RGS7: variants seen among roughly 807,000 people sequenced by gnomAD.
The protein encoded by RGS7 is regulator of G protein signaling 7.
RGS7 carries 27 observed loss-of-function variants against 81.1 expected under a neutral mutation model. The observed-to-expected ratio is 0.33, with a 90% CI of 0.25 to 0.46. The LOEUF (loss-of-function observed/expected upper bound fraction) is 0.46. Ranked by LOEUF, RGS7 falls within the 20% of genes least tolerant of loss-of-function variation. The pLI is 1.00. For synonymous variants in RGS7, 208 were observed against 207.7 expected (o/e 1.00, Z -0.01); for missense variants, 396 against 607.4 (o/e 0.65, Z 3.66).
chr1:241,156,364 G>A (rs531866055), intron 2 of RGS7, among the ~76,000 whole-genome samples: 32 of 151,820 alleles, frequency 2.1e-4, no homozygotes, highest in African/African-American at 7.7e-4. Context: ...AAATTAGCTG[G>A]ACATGGTAAC....
At chr1:241,145,745 A>T (rs549598104) in intron 2 of RGS7, among the ~76,000 whole-genome samples, 1 of 152,350 alleles carries the variant, frequency 6.6e-6, no homozygotes, top group African/African-American at 2.4e-5. Context: ...CTCTGTCCAA[A>T]ATAAACAAAC....
chr1:240,983,803 C>A (rs995708215), intron 3 of RGS7, among the ~76,000 whole-genome samples: 2 of 152,042 alleles, frequency 1.3e-5, no homozygotes, highest in African/African-American at 4.8e-5. Context: ...GATGAATGCC[C>A]CAAAGTAAGA....
At chr1:240,781,981 C>T (rs554357709) in intron 18 of RGS7, among the ~76,000 whole-genome samples, 2 of 151,772 alleles carry the variant, frequency 1.3e-5, no homozygotes, top group South Asian at 4.1e-4. Context: ...CGCCATTGTA[C>T]TCCAGCCTGG....
chr1:240,948,611 T>C (rs1020237986), intron 4 of RGS7, among the ~76,000 whole-genome samples: 1 of 151,880 alleles, frequency 6.6e-6, no homozygotes, highest in Non-Finnish European at 1.5e-5. Flanking sequence ...CCTGGCTAAT[T>C]TTTATAATTT....
At chr1:241,098,600 A>G in intron 3 of RGS7, 66 bp downstream of exon 3, 1 of 1,031,528 alleles carries the variant, frequency 9.7e-7, no homozygotes, top group South Asian at 1.3e-5. Flanking sequence ...GAACAGCTGG[A>G]ATCAGTTTTA....
intron 3 of RGS7, among the ~76,000 whole-genome samples, chr1:241,057,011 C>G (rs963597742): frequency 6.6e-6 from 1 of 151,810 alleles, no homozygotes; most frequent in Admixed American, 6.6e-5. Context: ...ATATGTACAC[C>G]GTTGATATAT....
At chr1:241,140,457 T>C (rs1350235157) in intron 2 of RGS7, among the ~76,000 whole-genome samples, 2 of 152,326 alleles carry the variant, frequency 1.3e-5, no homozygotes, top group Admixed American at 6.5e-5. Context: ...AGAATAGAGA[T>C]AGCATCTCAC....
chr1:240,792,572 T>C (rs1008013780), intron 18 of RGS7, among the ~76,000 whole-genome samples: 5 of 152,190 alleles, frequency 3.3e-5, no homozygotes, highest in East Asian at 1.9e-4. Context: ...CTCTCTCTCC[T>C]GCAGGGCCCC....
intron 4 of RGS7, among the ~76,000 whole-genome samples, chr1:240,981,462 C>T (rs748824413): frequency 1.8e-4 from 28 of 152,224 alleles, no homozygotes; most frequent in Non-Finnish European, 2.2e-4. Context: ...CACCTCTGAT[C>T]CTTAATAGTC....
intron 3 of RGS7, among the ~76,000 whole-genome samples, chr1:241,062,678 C>T (rs2061804556): frequency 1.3e-5 from 2 of 152,044 alleles, no homozygotes; most frequent in Admixed American, 6.6e-5. Context: ...TGCAATACCC[C>T]TTTTTTTCCC....
At chr1:241,272,421 T>C (rs186930458) in intron 2 of RGS7, among the ~76,000 whole-genome samples, 1 of 152,314 alleles carries the variant, frequency 6.6e-6, no homozygotes, top group African/African-American at 2.4e-5. Context: ...ATGCCAGGAT[T>C]ACTACCAATT....
intron 18 of RGS7, among the ~76,000 whole-genome samples, chr1:240,784,112 G>A (rs1482136364): frequency 6.6e-6 from 1 of 151,398 alleles, no homozygotes; most frequent in Non-Finnish European, 1.5e-5. Context: ...ACTTGAACCC[G>A]GGAGGTGGAG....
chr1:240,860,938 C>A (rs958747383), intron 9 of RGS7, among the ~76,000 whole-genome samples: 2 of 152,116 alleles, frequency 1.3e-5, no homozygotes, highest in Non-Finnish European at 2.9e-5. Flanking sequence ...AAATCTGCTA[C>A]GAACCCTTAG....
At chr1:241,014,623 T>C (rs140251241) in intron 3 of RGS7, among the ~76,000 whole-genome samples, 3 of 152,308 alleles carry the variant, frequency 2.0e-5, no homozygotes, top group East Asian at 1.9e-4. Context: ...AACTAACCAG[T>C]CATTCCCTAA....
intron 18 of RGS7, among the ~76,000 whole-genome samples, chr1:240,782,814 G>T (rs1030421833): frequency 6.6e-6 from 1 of 152,108 alleles, no homozygotes; most frequent in Admixed American, 6.6e-5. Context: ...TTTAAAAAAC[G>T]AAATTGCTTA....
chr1:240,936,653 T>C lies in RGS7; in HGVS notation c.280A>G (p.Ile94Val), dbSNP rs765891866. ...TTGAGTGTGAGGACATGATCTGAGATTGGAAAGAAGTAGCCGTGGGCAGCC... is the reference window on the plus strand; with the variant it reads ...TTGAGTGTGAGGACATGATCTGAGACTGGAAAGAAGTAGCCGTGGGCAGCC... Reference protein sequence around the residue: ...LMAAHGYFFPISDHVLTLKDD... With the variant: ...LMAAHGYFFPVSDHVLTLKDD... Residue 94 changes from isoleucine (I) to valine (V), a missense_variant, in exon 5 of 19, where the codon ATC becomes GTC. Coordinates refer to ENST00000440928, the MANE Select transcript of RGS7 (RefSeq NM_001364886.1). 6.2e-7 allele frequency: 1 copy of C among 1,614,122 alleles called. No homozygotes were observed. The highest frequency in any genetic ancestry group is 8.5e-7 in the Non-Finnish European group (1 of 1,180,000).
chr1:241,198,336 T>C (rs1429827549), intron 2 of RGS7, among the ~76,000 whole-genome samples: 1 of 150,886 alleles, frequency 6.6e-6, no homozygotes, highest in African/African-American at 2.4e-5. Context: ...TAGAAAACAA[T>C]AAAAAATAAG....
chr1:240,985,283 T>C (rs1572126027), intron 3 of RGS7, among the ~76,000 whole-genome samples: 1 of 152,228 alleles, frequency 6.6e-6, no homozygotes, highest in Non-Finnish European at 1.5e-5. Flanking sequence ...TTGTGGAACA[T>C]ATGTGAGCAG....
chr1:241,323,398 G>A (rs2081318284), intron 2 of RGS7, among the ~76,000 whole-genome samples: 1 of 152,202 alleles, frequency 6.6e-6, no homozygotes, highest in East Asian at 1.9e-4. Flanking sequence ...AAGAGGAGGA[G>A]GCTTACAACT....
Sources: allele counts gnomAD v4.1 joint callset (sites outside exome capture counted in the v4.1 genomes callset), GRCh38; gene constraint gnomAD v4.1.1; transcripts MANE v1.5; gene names NCBI Gene and HGNC (gene_info 2026-07-23, HGNC 2026-07-21).